CFTR: variants seen among roughly 807,000 people sequenced by gnomAD.
CFTR encodes cystic fibrosis transmembrane conductance regulator.
A neutral mutation model predicts 171.6 loss-of-function variants in CFTR; 181 were observed. The observed-to-expected ratio is 1.05, with a 90% CI of 0.93 to 1.19. The LOEUF (loss-of-function observed/expected upper bound fraction) is 1.19. Among genes scored for constraint, CFTR ranks in the 50% most tolerant of loss-of-function variants. CFTR has a pLI of 0.00. For missense variants in CFTR, 1,968 were observed against 1,734.7 expected, an observed-to-expected ratio of 1.13 and a Z score of -2.39; for synonymous variants, 583 against 608.0, an observed-to-expected ratio of 0.96 and a Z score of 0.60.
At chr7:117,544,067 T>C (rs1390829583) in intron 9 of CFTR, among the ~76,000 whole-genome samples, 4 of 152,228 alleles carry the variant, frequency 2.6e-5, no homozygotes, top group Admixed American at 6.5e-5. Context: ...ATTTCTAGTC[T>C]CTTTAATTCT....
rs530772158 is a variant in CFTR, at chr7:117,551,553, G to A, written c.1392+2730G>A. Among the ~76,000 whole-genome samples, 4 of 152,256 alleles carry A rather than the reference G, an allele frequency of 2.6e-5. No homozygotes were observed. The South Asian group carries it at 8.3e-4, about 32-fold the overall frequency. ...ATCATCTAGGCTGCAAAAGGATCAT[G>A]TCTTCTTTATTTTTATATTCCAAGG... On this transcript the variant is annotated intron_variant, in intron 10 of 26. Coordinates refer to ENST00000003084, the MANE Select transcript of CFTR (RefSeq NM_000492.4).
At chr7:117,545,481 A>G (rs144341024) in intron 9 of CFTR, among the ~76,000 whole-genome samples, 1 of 152,144 alleles carries the variant, frequency 6.6e-6, no homozygotes, top group Non-Finnish European at 1.5e-5. Flanking sequence ...CTTCATACAT[A>G]TGTTTCCAAA....
At chr7:117,640,956 T>A (rs1792902726) in intron 22 of CFTR, among the ~76,000 whole-genome samples, 1 of 151,954 alleles carries the variant, frequency 6.6e-6, no homozygotes, top group Non-Finnish European at 1.5e-5. Flanking sequence ...CAAGATAGAC[T>A]CCCCTGTCCT....
At chr7:117,656,080 G>A (rs1390282334) in intron 24 of CFTR, among the ~76,000 whole-genome samples, 1 of 152,082 alleles carries the variant, frequency 6.6e-6, no homozygotes, top group Non-Finnish European at 1.5e-5. Context: ...AACCCTATAG[G>A]TAGCACTACT....
chr7:117,480,163 A>T lies in CFTR; in HGVS notation c.53+16A>T, dbSNP rs775071573. 1.2e-6 allele frequency: 2 copies of T among 1,613,770 alleles called. No individual in the cohort carries two copies. Among genetic ancestry groups the T allele is most frequent in the Non-Finnish European group, 1.7e-6 (2 of 1,179,764 alleles). On this transcript the variant is annotated intron_variant, in intron 1 of 26. Transcript: ENST00000003084. The stretch of plus-strand genomic sequence containing the variant: ...TTTTTTTCAGGTGAGAAGGTGGCCA[A>T]CCGAGCTTCGGAAAGACACGTGCCC...
At chr7:117,652,702 G>C in intron 23 of CFTR, 140 bp from the exon 24 acceptor site, 2 of 546,172 alleles carry the variant, frequency 3.7e-6, no homozygotes, top group Non-Finnish European at 6.6e-6. Context: ...TAAAATTTGA[G>C]AGAACTTGAT....
Position 117,614,696 on chromosome 7 carries a change from A to G in CFTR, c.3451A>G (p.Ile1151Val), listed in dbSNP as rs1186803395. 8 of 1,609,984 alleles carry G rather than the reference A, an allele frequency of 5.0e-6. No individual in the cohort carries two copies. Among genetic ancestry groups the G allele is most frequent in the Non-Finnish European group, 8.5e-7 (1 of 1,176,638 alleles). The part of the protein sequence containing the change: ...STLQWAVNSS[I>V]DVDSLMRSVS... Reference sequence around the variant, plus strand: ...ATTGCAGTGGGCTGTAAACTCCAGCATAGATGTGGATAGCTTGGTAAGTCT... The same window carrying G: ...ATTGCAGTGGGCTGTAAACTCCAGCGTAGATGTGGATAGCTTGGTAAGTCT... Residue 1151 changes from isoleucine (I) to valine (V), a missense_variant, in exon 21 of 27, where the codon ATA becomes GTA. By Grantham distance (29) the Ile-to-Val change is conservative. Coordinates refer to ENST00000003084, the MANE Select transcript of CFTR (RefSeq NM_000492.4).
Position 117,610,685 on chromosome 7 carries a change from T to A in CFTR, c.3139+16T>A, listed in dbSNP as rs1372189275. The A allele has an allele frequency of 3.1e-6, 5 of 1,612,840 alleles. No homozygotes were observed. Among genetic ancestry groups the A allele is most frequent in the South Asian group, 1.1e-5 (1 of 91,050 alleles). On this transcript the variant is annotated intron_variant, in intron 19 of 26. Transcript: ENST00000003084. Reference sequence around the variant, plus strand: ...GAATCTGAAGGTATGACAGTGAATGTGCGATACTCATCTTGTAAAAAAGCT... The same window carrying A: ...GAATCTGAAGGTATGACAGTGAATGAGCGATACTCATCTTGTAAAAAAGCT...
rs145877746 is a variant in CFTR at position 117,592,087 on chromosome 7, T to C, written c.1920T>C (p.Phe640=). ...FSELQNLQPD[F]SSKLMGCDSF... ...AACTCCAAAATCTACAGCCAGACTTTAGCTCAAAACTCATGGGATGTGATT... is the reference window on the plus strand; with the variant it reads ...AACTCCAAAATCTACAGCCAGACTTCAGCTCAAAACTCATGGGATGTGATT... Residue 640 remains phenylalanine (F), a synonymous_variant, in exon 14 of 27, where the codon TTT becomes TTC. Transcript: ENST00000003084. The C allele has an allele frequency of 6.4e-5, 103 of 1,613,558 alleles. 1 individual carries two copies. The Admixed American group carries it at 1.3e-3, about 20-fold the overall frequency.
intron 9 of CFTR, 78 bp downstream of exon 9, chr7:117,542,186 G>T: frequency 1.3e-6 from 1 of 762,770 alleles, no homozygotes; most frequent in Non-Finnish European, 2.4e-6. Context: ...CATCCTAATG[G>T]CGAATAAAAT....
chr7:117,549,857 AGAAG>A (rs1396564160), intron 10 of CFTR, among the ~76,000 whole-genome samples: 1 of 152,274 alleles, frequency 6.6e-6, no homozygotes, highest in East Asian at 1.9e-4. Flanking sequence ...AAGGAAGGAA[AGAAG>A]GAAGGAAGTA....
intron 20 of CFTR, among the ~76,000 whole-genome samples, chr7:117,613,999 CTTTTTTTTTT>C (rs752774658): frequency 1.1e-4 from 8 of 72,488 alleles, no homozygotes; most frequent in Admixed American, 3.1e-4. Flanking sequence ...GTACAGTAAT[CTTTTTTTTTT>C]TTTTTTTTTT....
At chr7:117,656,532 C>A (rs888435144) in intron 24 of CFTR, among the ~76,000 whole-genome samples, 2 of 152,038 alleles carry the variant, frequency 1.3e-5, no homozygotes, top group African/African-American at 4.8e-5. Flanking sequence ...ACAGGTGGTT[C>A]ATTATACTTG....
chr7:117,518,122 A>C (rs966361959), intron 3 of CFTR, among the ~76,000 whole-genome samples: 1 of 151,988 alleles, frequency 6.6e-6, no homozygotes, highest in South Asian at 2.1e-4. Context: ...TGCTCTCTCT[A>C]TATATGGAAC....
At chr7:117,583,243 T>G (rs1220054541) in intron 11 of CFTR, among the ~76,000 whole-genome samples, 4 of 152,184 alleles carry the variant, frequency 2.6e-5, no homozygotes, top group Non-Finnish European at 5.9e-5. Flanking sequence ...AGTGCTTTAG[T>G]GGTGATTTCT....
chr7:117,487,751 A>G (rs1017530906), intron 1 of CFTR: 1 of 152,134 alleles, frequency 6.6e-6, no homozygotes, highest in Non-Finnish European at 1.5e-5. Context: ...TGAAGGCTTA[A>G]TAATTTCAAA....
intron 1 of CFTR, among the ~76,000 whole-genome samples, chr7:117,489,844 T>C (rs1409601748): frequency 6.6e-6 from 1 of 151,892 alleles, no homozygotes; most frequent in African/African-American, 2.4e-5. Flanking sequence ...TAAAATAATA[T>C]TTTAAAATAC....
At position 117,606,113 on chromosome 7, in the gene CFTR, C is replaced by T. The variant is rs34466297; in HGVS notation, c.2909-561C>T. On this transcript the variant is annotated intron_variant, in intron 17 of 26. Transcript: ENST00000003084. ...GTTGTCAACCTTACAAATGTGAATC[C>T]GTGATTCAGATGACAGGTTGAAATG... 3.5e-3 allele frequency among the ~76,000 whole-genome samples: 529 copies of T among 152,066 alleles called. 4 individuals are homozygous for T. The highest frequency in any genetic ancestry group is 0.012 in the African/African-American group (505 of 41,470).
chr7:117,648,927 C>T (rs1360994516), intron 23 of CFTR, among the ~76,000 whole-genome samples: 1 of 151,926 alleles, frequency 6.6e-6, no homozygotes, highest in Non-Finnish European at 1.5e-5. Flanking sequence ...GTGCTTACTT[C>T]AGTATCTAAC....
Sources: allele counts gnomAD v4.1 joint callset (sites outside exome capture counted in the v4.1 genomes callset), GRCh38; gene constraint gnomAD v4.1.1; transcripts MANE v1.5; gene names NCBI Gene and HGNC (gene_info 2026-07-23, HGNC 2026-07-21).